The following EXOC2 variants were observed in gnomAD, a reference collection of about 807,000 sequenced individuals.
EXOC2 encodes SEC5-like 1.
Under a neutral mutation model 131.8 loss-of-function variants are expected in EXOC2, and 70 were observed. That is an observed-to-expected ratio of 0.53 (90% CI 0.44 to 0.65). The LOEUF is 0.65. Ranked by LOEUF, EXOC2 falls within the 30% of genes least tolerant of loss-of-function variation. The pLI is 0.00. For synonymous variants in EXOC2, 411 were observed against 398.4 expected (o/e 1.03, Z -0.38); for missense variants, 923 against 1,108.6 (o/e 0.83, Z 2.38).
At chr6:672,144 A>G (rs1219517489) in intron 1 of EXOC2, among the ~76,000 whole-genome samples, 3 of 151,674 alleles carry the variant, frequency 2.0e-5, no homozygotes, top group Non-Finnish European at 4.4e-5. Flanking sequence ...TTTCTCTATT[A>G]TAGTTTCTGA....
intron 1 of EXOC2, among the ~76,000 whole-genome samples, chr6:682,739 G>A (rs1238999465): frequency 6.6e-6 from 1 of 152,184 alleles, no homozygotes; most frequent in Non-Finnish European, 1.5e-5. Flanking sequence ...CAGAAAGTGG[G>A]AAAGGATTGA....
chr6:543,503 G>A (rs1756671798), intron 22 of EXOC2, among the ~76,000 whole-genome samples: 1 of 152,152 alleles, frequency 6.6e-6, no homozygotes, highest in South Asian at 2.1e-4. Context: ...AAAGGGCATG[G>A]CATGGTAACC....
intron 4 of EXOC2, among the ~76,000 whole-genome samples, chr6:627,332 T>C (rs1761627861): frequency 6.6e-6 from 1 of 152,142 alleles, no homozygotes. Context: ...CTATTCTTAC[T>C]TTCATCTTTC....
intron 1 of EXOC2, among the ~76,000 whole-genome samples, chr6:651,860 A>C (rs2127739391): frequency 6.6e-6 from 1 of 151,968 alleles, no homozygotes; most frequent in Non-Finnish European, 1.5e-5. Flanking sequence ...ATTCGAGACC[A>C]GTCTGATGAA....
chr6:659,321 C>G (rs1238193342), intron 1 of EXOC2, among the ~76,000 whole-genome samples: 1 of 152,140 alleles, frequency 6.6e-6, no homozygotes, highest in Non-Finnish European at 1.5e-5. Context: ...GCAGTGTTTC[C>G]CAAACTGTCA....
chr6:658,349 C>T (rs1457369255), intron 1 of EXOC2, among the ~76,000 whole-genome samples: 1 of 152,088 alleles, frequency 6.6e-6, no homozygotes, highest in Non-Finnish European at 1.5e-5. Context: ...ACAGATACTG[C>T]TCCAGATGAA....
intron 1 of EXOC2, among the ~76,000 whole-genome samples, chr6:648,474 C>T (rs936595606): frequency 5.3e-5 from 8 of 152,170 alleles, no homozygotes; most frequent in Non-Finnish European, 1.0e-4. Flanking sequence ...AAATTTTCCT[C>T]ACAAATATTC....
chr6:551,447 G>A (rs1317580328), intron 21 of EXOC2, among the ~76,000 whole-genome samples: 2 of 152,232 alleles, frequency 1.3e-5, no homozygotes, highest in African/African-American at 4.8e-5. Flanking sequence ...GAGAGAGGAG[G>A]CCCTGCAACC....
At chr6:635,805 G>GT (rs2127712779) in intron 2 of EXOC2, among the ~76,000 whole-genome samples, 1 of 152,396 alleles carries the variant, frequency 6.6e-6, no homozygotes, top group South Asian at 2.1e-4. Context: ...GCGCACGCCT[G>GT]TAATGCCAGC....
At position 504,056 on chromosome 6, in the gene EXOC2, G is replaced by A. The variant is rs558277673; in HGVS notation, c.2381-4356C>T. 4.9e-4 allele frequency among the ~76,000 whole-genome samples: 74 copies of A among 152,366 alleles called. 2 individuals are homozygous for A. In the South Asian group the frequency reaches 0.012, roughly 26 times the overall value. On this transcript the variant is annotated intron_variant, in intron 23 of 27. Transcript: ENST00000230449. Reference sequence around the variant, plus strand: ...GCTGGGACAGGTGCTGGGGTGGCCCGGCTCGCTGGCTCCATGCAGCTCTGA... The same window carrying A: ...GCTGGGACAGGTGCTGGGGTGGCCCAGCTCGCTGGCTCCATGCAGCTCTGA...
At chr6:652,128 C>T (rs889830358) in intron 1 of EXOC2, among the ~76,000 whole-genome samples, 2 of 151,238 alleles carry the variant, frequency 1.3e-5, no homozygotes, top group South Asian at 2.1e-4. Context: ...TATTTTTGTA[C>T]GTAACTCAGA....
At chr6:505,602 T>C (rs1286273827) in intron 23 of EXOC2, among the ~76,000 whole-genome samples, 1 of 152,196 alleles carries the variant, frequency 6.6e-6, no homozygotes, top group African/African-American at 2.4e-5. Context: ...CCCACCCCAC[T>C]CTGCATTCCC....
At chr6:547,038 T>TAC (rs1459055940) in intron 22 of EXOC2, among the ~76,000 whole-genome samples, 1 of 152,246 alleles carries the variant, frequency 6.6e-6, no homozygotes, top group East Asian at 1.9e-4. Context: ...GCTGTGCTCT[T>TAC]ACAGGTCAAG....
chr6:665,713 T>C (rs1347791709), intron 1 of EXOC2, among the ~76,000 whole-genome samples: 1 of 151,772 alleles, frequency 6.6e-6, no homozygotes, highest in African/African-American at 2.4e-5. Flanking sequence ...CTCACTGATA[T>C]GTGGGATCTA....
chr6:657,033 C>G, intron 1 of EXOC2: 2 of 1,090,420 alleles, frequency 1.8e-6, no homozygotes, highest in Non-Finnish European at 2.6e-6. Context: ...TGGCGCTGCC[C>G]TCCCCGCCCT....
At chr6:536,146 T>C (rs1766430376) in intron 22 of EXOC2, among the ~76,000 whole-genome samples, 1 of 152,160 alleles carries the variant, frequency 6.6e-6, no homozygotes, top group Admixed American at 6.5e-5. Context: ...ATTTCAAGAT[T>C]ATACCAGAGG....
intron 6 of EXOC2, among the ~76,000 whole-genome samples, chr6:613,359 T>C (rs937462169): frequency 6.6e-6 from 1 of 151,636 alleles, no homozygotes; most frequent in African/African-American, 2.4e-5. Flanking sequence ...GAATACCGGG[T>C]TGGGATGGAC....
intron 26 of EXOC2, among the ~76,000 whole-genome samples, chr6:489,827 AC>A (rs1158460255): frequency 3.9e-5 from 6 of 152,168 alleles, no homozygotes; most frequent in Admixed American, 2.0e-4. Context: ...ACCAGGAAAT[AC>A]GTTTTTGAGC....
chr6:545,335 A>T (rs967152062), intron 22 of EXOC2, among the ~76,000 whole-genome samples: 1 of 152,192 alleles, frequency 6.6e-6, no homozygotes, highest in African/African-American at 2.4e-5. Context: ...CCCTGGAATT[A>T]TGTAATTATA....
Sources: allele counts gnomAD v4.1 joint callset (sites outside exome capture counted in the v4.1 genomes callset), GRCh38; gene constraint gnomAD v4.1.1; transcripts MANE v1.5; gene names NCBI Gene and HGNC (gene_info 2026-07-23, HGNC 2026-07-21).